The following GMDS variants were observed in gnomAD, a reference collection of about 807,000 sequenced individuals.
The protein encoded by GMDS is GDP-mannose 4,6-dehydratase.
Under a neutral mutation model 49.9 loss-of-function variants are expected in GMDS, and 20 were observed. That is an observed-to-expected ratio of 0.40 (90% CI 0.28 to 0.58). The LOEUF is 0.58. Ranked by LOEUF, GMDS falls within the 20% of genes least tolerant of loss-of-function variation. The probability of loss-of-function intolerance (pLI) is 0.42; values close to 1 mark genes in which losing one functional copy is unlikely to be tolerated. For missense variants in GMDS, 362 were observed against 481.4 expected (o/e 0.75, Z 2.32); for synonymous variants, 177 against 178.6 (o/e 0.99, Z 0.07).
intron 4 of GMDS, among the ~76,000 whole-genome samples, chr6:2,048,149 T>C (rs1395082496): frequency 6.6e-6 from 1 of 152,136 alleles, no homozygotes; most frequent in Admixed American, 6.5e-5. Flanking sequence ...ACTGCAAAGA[T>C]CAAAAAACTG....
At chr6:2,219,217 A>G (rs957693387) in intron 1 of GMDS, among the ~76,000 whole-genome samples, 1 of 152,242 alleles carries the variant, frequency 6.6e-6, no homozygotes, top group African/African-American at 2.4e-5. Flanking sequence ...TATATTTTAA[A>G]TTAGCTGAAT....
chr6:2,165,456 G>C (rs543430081), intron 1 of GMDS, among the ~76,000 whole-genome samples: 2 of 152,340 alleles, frequency 1.3e-5, no homozygotes, highest in African/African-American at 4.8e-5. Flanking sequence ...TCATGGGAGA[G>C]TCAGCCTTTT....
intron 7 of GMDS, among the ~76,000 whole-genome samples, chr6:1,787,628 A>G (rs226447): frequency 0.4 from 60,491 of 152,046 alleles, 12,105 homozygotes; most frequent in African/African-American, 0.42. Flanking sequence ...GAAAAAGGAG[A>G]GCGAACAAGT....
chr6:1,641,821 G>T (rs995562600), intron 9 of GMDS, among the ~76,000 whole-genome samples: 5 of 151,584 alleles, frequency 3.3e-5, no homozygotes, highest in Middle Eastern at 3.4e-3. Context: ...CCTCCTGTTG[G>T]ATATTTGGGG....
intron 4 of GMDS, among the ~76,000 whole-genome samples, chr6:2,074,591 C>G (rs1192039511): frequency 6.6e-6 from 1 of 152,186 alleles, no homozygotes; most frequent in Non-Finnish European, 1.5e-5. Context: ...TCTAGAACAA[C>G]ATCCTTAAGT....
intron 9 of GMDS, among the ~76,000 whole-genome samples, chr6:1,697,453 G>A (rs1765382569): frequency 6.6e-6 from 1 of 152,222 alleles, no homozygotes; most frequent in African/African-American, 2.4e-5. Context: ...GTCAATCATA[G>A]AGTCTAGGCT....
At chr6:2,073,297 T>C (rs541468827) in intron 4 of GMDS, among the ~76,000 whole-genome samples, 2 of 152,270 alleles carry the variant, frequency 1.3e-5, no homozygotes, top group African/African-American at 4.8e-5. Flanking sequence ...ACCAGATGCA[T>C]AAAAAAGGAA....
At chr6:1,928,289 CG>C (rs1255239857) in intron 7 of GMDS, among the ~76,000 whole-genome samples, 1 of 151,124 alleles carries the variant, frequency 6.6e-6, no homozygotes, top group African/African-American at 2.4e-5. Context: ...CGCTTGAACC[CG>C]GGAGGCAGAG....
chr6:1,729,763 C>G (rs1766725337), intron 8 of GMDS, among the ~76,000 whole-genome samples: 1 of 152,326 alleles, frequency 6.6e-6, no homozygotes, highest in African/African-American at 2.4e-5. Flanking sequence ...CAACAGCTCA[C>G]CGAGCAGGGA....
chr6:2,212,800 A>G (rs1780133973), intron 1 of GMDS, among the ~76,000 whole-genome samples: 1 of 152,008 alleles, frequency 6.6e-6, no homozygotes, highest in African/African-American at 2.4e-5. Flanking sequence ...GCAGCTCGAC[A>G]TGGATTCTGA....
chr6:2,092,148 T>C (rs1399104265), intron 4 of GMDS, among the ~76,000 whole-genome samples: 1 of 151,978 alleles, frequency 6.6e-6, no homozygotes, highest in South Asian at 2.1e-4. Context: ...TCAACTAGAG[T>C]TGTTTGTGGA....
At position 1,753,397 on chromosome 6, in the gene GMDS, T is replaced by C. The variant is rs1767812099; in HGVS notation, c.772-10811A>G. On this transcript the variant is annotated intron_variant, in intron 7 of 10. Coordinates refer to ENST00000380815, the MANE Select transcript of GMDS (RefSeq NM_001500.4). ...GAGCACCCAGATTCATAAAGCAAGT[T>C]CTTAGAGACTTACAAAGAGACTTAG... 3.3e-5 allele frequency among the ~76,000 whole-genome samples: 5 copies of C among 152,180 alleles called. No individual in the cohort carries two copies. In the South Asian group the frequency reaches 1.0e-3, roughly 32 times the overall value.
At chr6:1,982,408 T>C (rs757566294) in intron 4 of GMDS, among the ~76,000 whole-genome samples, 2 of 152,104 alleles carry the variant, frequency 1.3e-5, no homozygotes, top group Non-Finnish European at 2.9e-5. Flanking sequence ...GAAAGAAATA[T>C]AAGGTATTCA....
intron 1 of GMDS, among the ~76,000 whole-genome samples, chr6:2,209,392 C>T (rs922266869): frequency 9.2e-5 from 14 of 152,326 alleles, no homozygotes; most frequent in African/African-American, 3.4e-4. Flanking sequence ...TGGCAAATGC[C>T]AGAACTGGCT....
chr6:1,811,784 T>C (rs1435389812), intron 7 of GMDS, among the ~76,000 whole-genome samples: 2 of 152,238 alleles, frequency 1.3e-5, no homozygotes, highest in Non-Finnish European at 2.9e-5. Flanking sequence ...TATTTTGCTA[T>C]CTGCAATTCT....
intron 1 of GMDS, among the ~76,000 whole-genome samples, chr6:2,155,176 C>G (rs1777050397): frequency 1.3e-5 from 2 of 152,130 alleles, no homozygotes; most frequent in Non-Finnish European, 2.9e-5. Context: ...TATGCCCAAT[C>G]TGATATAATG....
chr6:1,624,632 C>G, intron 9 of GMDS, 92 bp from the exon 10 acceptor site: 1 of 845,270 alleles, frequency 1.2e-6, no homozygotes, highest in Non-Finnish European at 1.9e-6. Context: ...CGTTCCGCTC[C>G]CTCTGGGCGC....
intron 4 of GMDS, among the ~76,000 whole-genome samples, chr6:2,108,444 C>T (rs980738540): frequency 2.6e-5 from 4 of 151,804 alleles, no homozygotes; most frequent in East Asian, 1.9e-4. Flanking sequence ...GAGTTAGTAC[C>T]GTGGATTTCT....
intron 1 of GMDS, among the ~76,000 whole-genome samples, chr6:2,227,262 G>A (rs1278939171): frequency 6.6e-6 from 1 of 151,848 alleles, no homozygotes; most frequent in African/African-American, 2.4e-5. Context: ...TAAATGAATG[G>A]TTCTCAACCA....
Sources: gnomAD v4.1 joint callset for allele counts (sites outside exome capture counted in the v4.1 genomes callset) on GRCh38, gnomAD v4.1.1 for gene constraint, MANE v1.5 for transcripts, NCBI Gene and HGNC (gene_info 2026-07-23, HGNC 2026-07-21) for gene names.